The following PTPRB variants were observed in gnomAD, a reference collection of about 807,000 sequenced individuals.
PTPRB encodes the protein receptor-type tyrosine-protein phosphatase beta.
PTPRB carries 97 observed loss-of-function variants against 238.1 expected under a neutral mutation model. The observed-to-expected ratio is 0.41, with a 90% CI of 0.35 to 0.48. The LOEUF (loss-of-function observed/expected upper bound fraction) is 0.48. Among genes scored for constraint, PTPRB ranks in the 20% least tolerant of loss-of-function variants. PTPRB has a pLI of 0.30. For synonymous variants in PTPRB, 970 were observed against 995.4 expected (o/e 0.97, Z 0.48); for missense variants, 2,292 against 2,681.9 (o/e 0.85, Z 3.21).
intron 15 of PTPRB, among the ~76,000 whole-genome samples, chr12:70,563,762 C>T (rs1878829321): frequency 1.3e-5 from 2 of 152,074 alleles, no homozygotes; most frequent in Non-Finnish European, 2.9e-5. Context: ...ACCCTCTCTC[C>T]TCCTTCTTCT....
intron 21 of PTPRB, among the ~76,000 whole-genome samples, chr12:70,547,900 C>T (rs993984595): frequency 6.6e-6 from 1 of 152,110 alleles, no homozygotes; most frequent in African/African-American, 2.4e-5. Context: ...GGTTTGGAAC[C>T]TGAAGCTAGG....
In PTPRB at chr12:70,521,214, G is replaced by C. The variant is rs957925432; in HGVS notation, c.*275C>G. On this transcript the variant is annotated 3_prime_UTR_variant, in exon 34 of 34. Coordinates refer to ENST00000334414, the MANE Select transcript of PTPRB (RefSeq NM_001109754.4). ...GTTGAATTAGTTTTATGTAGAACAA[G>C]TCATGAACACTTTAGTGTGGAAAAA... The C allele has an allele frequency of 6.6e-6, 2 of 304,286 alleles. No homozygotes were observed. Among genetic ancestry groups the C allele is most frequent in the African/African-American group, 4.3e-5 (2 of 46,238 alleles). The allele number at this position is 304,286 out of a possible 1,614,324, so 18.8% of individuals were successfully genotyped here.
At chr12:70,600,870 A>G (rs1013034521) in intron 4 of PTPRB, among the ~76,000 whole-genome samples, 22 of 149,844 alleles carry the variant, frequency 1.5e-4, no homozygotes, top group African/African-American at 5.4e-4. Flanking sequence ...TAATTTTTGT[A>G]TTTTCTTTTT....
intron 20 of PTPRB, among the ~76,000 whole-genome samples, chr12:70,554,870 C>T (rs187378272): frequency 1.1e-4 from 16 of 152,210 alleles, no homozygotes; most frequent in African/African-American, 2.6e-4. Flanking sequence ...GTGCACAGCA[C>T]GTAGTAAGGG....
chr12:70,547,267 G>T (rs73142937), intron 21 of PTPRB, among the ~76,000 whole-genome samples: 16,512 of 152,102 alleles, frequency 0.11, 1,261 homozygotes, highest in South Asian at 0.2. Context: ...AGGAATAACA[G>T]CCTGTTAATG....
chr12:70,566,199 C>G (rs1879273400), intron 15 of PTPRB, among the ~76,000 whole-genome samples: 1 of 152,114 alleles, frequency 6.6e-6, no homozygotes, highest in Non-Finnish European at 1.5e-5. Context: ...ATTATAGCAG[C>G]AATAGGAAGC....
rs748077107 is a variant in PTPRB, at chr12:70,587,070, T to C, written c.2248A>G (p.Met750Val). 2 of 1,613,738 alleles carry C rather than the reference T, an allele frequency of 1.2e-6. No homozygotes were observed. Among genetic ancestry groups the C allele is most frequent in the South Asian group, 1.1e-5 (1 of 91,088 alleles). The stretch of plus-strand genomic sequence containing the variant: ...CCACTAATACTGGTGACTGTAGCCA[T>C]GTATTTTCGTCCAGGCACCAGGTCA... ...FTDLVPGRKY[M>V]ATVTSISGDL... Residue 750 changes from methionine (M) to valine (V), a missense_variant, in exon 9 of 34, where the codon ATG (methionine) becomes GTG (valine). This residue lies in a region of PTPRB where 1,205 missense variants were observed against 1,287.8 expected (regional missense o/e 0.94). Coordinates refer to ENST00000334414, the MANE Select transcript of PTPRB (RefSeq NM_001109754.4).
intron 2 of PTPRB, among the ~76,000 whole-genome samples, chr12:70,632,194 GTAGACTAGAT>G (rs1885482420): frequency 1.3e-5 from 2 of 151,992 alleles, no homozygotes. Context: ...TCCATCAATG[GTAGACTAGAT>G]TAAGAAAATG....
Position 70,567,220 on chromosome 12 carries a change from G to A in PTPRB, c.3635-516C>T, listed in dbSNP as rs182029588. 1.1e-3 allele frequency among the ~76,000 whole-genome samples: 168 copies of A among 152,220 alleles called. 1 individual carries two copies. Among genetic ancestry groups the A allele is most frequent in the African/African-American group, 3.9e-3 (164 of 41,548 alleles). On this transcript the variant is annotated intron_variant, in intron 14 of 33. Coordinates refer to ENST00000334414, the MANE Select transcript of PTPRB (RefSeq NM_001109754.4). ...TATTATAATAATATTTTCTGTACTA[G>A]GTTCATTTCTTTTCTCATTCTACAT... is the stretch of plus-strand genomic sequence containing the variant.
rs1871301734 is a variant in PTPRB at position 70,517,736 on chromosome 12, T to G, written c.*3753A>C. The G allele has an allele frequency of 6.6e-6, 1 of 152,230 alleles. No homozygotes were observed. The highest frequency in any genetic ancestry group is 6.5e-5 in the Admixed American group (1 of 15,284). The allele number at this position is 152,230 out of a possible 1,614,324, so 9.4% of individuals were successfully genotyped here. ...GGTCAGGTTTGGTCTGGCTCATGTTTGTAAACTAAAACTCTAGAGCGTCTC... is the reference window on the plus strand; with the variant it reads ...GGTCAGGTTTGGTCTGGCTCATGTTGGTAAACTAAAACTCTAGAGCGTCTC... On this transcript the variant is annotated 3_prime_UTR_variant, in exon 34 of 34. Coordinates refer to ENST00000334414, the MANE Select transcript of PTPRB (RefSeq NM_001109754.4).
intron 9 of PTPRB, chr12:70,585,085 C>G (rs1215497730): frequency 2.0e-5 from 3 of 151,464 alleles, no homozygotes; most frequent in Admixed American, 6.6e-5. Context: ...CTCAGCCTCC[C>G]GAGTATCTGG....
intron 8 of PTPRB, 113 bp from the exon 9 acceptor site, chr12:70,587,380 T>A: frequency 8.1e-7 from 1 of 1,230,662 alleles, no homozygotes; most frequent in Non-Finnish European, 1.1e-6. Context: ...CAACATTTAT[T>A]TTATGAATGT....
intron 3 of PTPRB, among the ~76,000 whole-genome samples, chr12:70,610,375 CT>C (rs1266278624): frequency 1.3e-5 from 2 of 151,892 alleles, no homozygotes; most frequent in Non-Finnish European, 2.9e-5. Flanking sequence ...CTCCCTGTCA[CT>C]TTCCAGGCCC....
intron 2 of PTPRB, among the ~76,000 whole-genome samples, chr12:70,634,710 G>C (rs1461978944): frequency 6.6e-6 from 1 of 152,176 alleles, no homozygotes; most frequent in Non-Finnish European, 1.5e-5. Context: ...ACTGAACAAA[G>C]AGTCAAAAAA....
intron 3 of PTPRB, among the ~76,000 whole-genome samples, chr12:70,613,233 A>C (rs1044525118): frequency 6.6e-6 from 1 of 151,998 alleles, no homozygotes; most frequent in Non-Finnish European, 1.5e-5. Context: ...CTAAAAGGTC[A>C]TGGTCCTTAC....
chr12:70,562,075 G>A (rs2136333129), intron 16 of PTPRB, among the ~76,000 whole-genome samples: 1 of 152,302 alleles, frequency 6.6e-6, no homozygotes, highest in Admixed American at 6.5e-5. Flanking sequence ...TTCAAGACCA[G>A]CCTGGGCAAT....
At chr12:70,527,773 A>G (rs1872630398) in intron 32 of PTPRB, 3 of 152,178 alleles carry the variant, frequency 2.0e-5, no homozygotes, top group Non-Finnish European at 4.4e-5. Context: ...TGGACCCAGA[A>G]AAATAATACA....
At chr12:70,561,277 C>T (rs1878449693) in intron 16 of PTPRB, among the ~76,000 whole-genome samples, 2 of 152,120 alleles carry the variant, frequency 1.3e-5, no homozygotes, top group South Asian at 4.1e-4. Flanking sequence ...CCCAGTGTGG[C>T]CTATCTCATT....
chr12:70,532,018 C>T lies in PTPRB; in HGVS notation c.6504+17G>A. The T allele has an allele frequency of 1.9e-6, 3 of 1,613,802 alleles. No individual in the cohort carries two copies. The highest frequency in any genetic ancestry group is 2.5e-6 in the Non-Finnish European group (3 of 1,179,842). On this transcript the variant is annotated intron_variant, in intron 32 of 33. Transcript: ENST00000334414. ...GGGGAGGAGGGTGGCCTGTAACTTTCAGTCTATAACTCTTACCTCAGTCTG... is the reference window on the plus strand; with the variant it reads ...GGGGAGGAGGGTGGCCTGTAACTTTTAGTCTATAACTCTTACCTCAGTCTG...
Sources: allele counts gnomAD v4.1 joint callset (sites outside exome capture counted in the v4.1 genomes callset), GRCh38; gene constraint gnomAD v4.1.1; regional missense constraint gnomAD v4.1.1; transcripts MANE v1.5; gene names NCBI Gene and HGNC (gene_info 2026-07-23, HGNC 2026-07-21).